The following CHCHD2 variants were observed in gnomAD, a reference collection of about 807,000 sequenced individuals.
CHCHD2 encodes the protein coiled-coil-helix-coiled-coil-helix domain-containing protein 2.
In CHCHD2, 17 loss-of-function variants were observed where a neutral mutation model predicts 17.5. The ratio of observed to expected loss-of-function variants is 0.97; its 90% CI spans 0.67 to 1.46. The LOEUF (loss-of-function observed/expected upper bound fraction) is 1.46. Ranked by LOEUF, CHCHD2 falls within the 40% of genes most tolerant of loss-of-function variation. The pLI is 0.00. For missense variants in CHCHD2, 175 were observed against 199.9 expected (o/e 0.88, Z 0.75); for synonymous variants, 63 against 74.3 (o/e 0.85, Z 0.78).
intron 3 of CHCHD2, 160 bp downstream of exon 3, chr7:56,102,707 A>C: frequency 2.7e-6 from 2 of 735,356 alleles, no homozygotes; most frequent in South Asian, 1.9e-5. Flanking sequence ...AATTACTCAT[A>C]AAAATGACTA....
rs60454706 is a variant in CHCHD2 at position 56,102,754 on chromosome 7, A to G, written c.445+113T>C. On this transcript the variant is annotated intron_variant, in intron 3 of 3. Coordinates refer to ENST00000395422, the MANE Select transcript of CHCHD2 (RefSeq NM_016139.4). ...CCCAGTTGTTAGGAGTTAATTCTAG[A>G]GAAATTTCAACAAAGTCTTCTCTAA... 5.5e-3 allele frequency: 6,289 copies of G among 1,137,406 alleles called. 272 individuals carry two copies. In the African/African-American group the frequency reaches 0.087, roughly 16 times the overall value. 70.5% of individuals were successfully genotyped at this position (1,137,406 alleles called of 1,614,324 possible).
intron 3 of CHCHD2, 108 bp downstream of exon 3, chr7:56,102,759 T>C (rs2115574184): frequency 8.3e-7 from 1 of 1,210,950 alleles, no homozygotes; most frequent in East Asian, 2.4e-5. Context: ...TCTAGAGAAA[T>C]TTCAACAAAG....
chr7:56,105,536 G>T (rs115074419), intron 1 of CHCHD2, among the ~76,000 whole-genome samples: 1 of 152,162 alleles, frequency 6.6e-6, no homozygotes, highest in African/African-American at 2.4e-5. Context: ...AGTGATTAGG[G>T]AAGTGGAGGC....
intron 1 of CHCHD2, among the ~76,000 whole-genome samples, chr7:56,105,641 A>T (rs964021887): frequency 6.6e-6 from 1 of 152,216 alleles, no homozygotes. Context: ...AAAGTCGCCA[A>T]GTGTGGTGCA....
chr7:56,106,062 G>T (rs1365733811), intron 1 of CHCHD2, among the ~76,000 whole-genome samples: 1 of 152,112 alleles, frequency 6.6e-6, no homozygotes, highest in Admixed American at 6.6e-5. Context: ...ACCATTTCCG[G>T]ATTATTTCCT....
intron 3 of CHCHD2, 83 bp from the exon 4 acceptor site, chr7:56,101,944 C>A (rs1216899605): frequency 3.8e-6 from 5 of 1,315,244 alleles, no homozygotes; most frequent in Middle Eastern, 1.9e-4. Context: ...ATGAAAGCAG[C>A]GACAAAAGGC....
At position 56,101,640 on chromosome 7, in the gene CHCHD2, A is replaced by C; in HGVS notation, c.*211T>G. ...AAATCATAACATAACAGCTAGTTTA[A>C]GGAGGCCACACAAACATTTGCCCAG... is the stretch of plus-strand genomic sequence containing the variant. On this transcript the variant is annotated 3_prime_UTR_variant, in exon 4 of 4. Transcript: ENST00000395422. The C allele has an allele frequency of 3.9e-6, 2 of 514,422 alleles. No homozygotes were observed. The highest frequency in any genetic ancestry group is 7.1e-6 in the Non-Finnish European group (2 of 283,406). The allele number at this position is 514,422 out of a possible 1,614,324, so 31.9% of individuals were successfully genotyped here. A position where few individuals can be genotyped will look rare whatever the true frequency, so the allele number is the denominator to read the frequency against.
At chr7:56,106,266 G>T in intron 1 of CHCHD2, 98 bp downstream of exon 1, 1 of 1,177,622 alleles carries the variant, frequency 8.5e-7, no homozygotes, top group Non-Finnish European at 1.2e-6. Flanking sequence ...CGCCGCAGCC[G>T]ACCTTAGTTC....
chr7:56,104,525 G>A (rs753799962), intron 1 of CHCHD2, 50 bp from the exon 2 acceptor site: 2 of 1,466,772 alleles, frequency 1.4e-6, no homozygotes. Flanking sequence ...AACCAGTTTT[G>A]GAAATTGTCA....
intron 3 of CHCHD2, among the ~76,000 whole-genome samples, chr7:56,102,276 C>T (rs908672554): frequency 9.9e-5 from 15 of 152,016 alleles, no homozygotes; most frequent in African/African-American, 2.4e-4. Context: ...ATCTTATATT[C>T]GCAGCCTTAA....
rs768263808 is a variant in CHCHD2, at chr7:56,106,370, G to A, written c.44C>T (p.Pro15Leu). The A allele has an allele frequency of 6.2e-7, 1 of 1,613,146 alleles. No individual in the cohort carries two copies. Among genetic ancestry groups the A allele is most frequent in the Admixed American group, 1.7e-5 (1 of 59,912 alleles). Residue 15 changes from proline to leucine, a missense_variant, in exon 1 of 4, where the codon CCG (proline) becomes CTG (leucine). Transcript: ENST00000395422. ...SRSRTSRMAPPASRAPQMRAA... is the reference protein window; with the variant it reads ...SRSRTSRMAPLASRAPQMRAA... Reference sequence around the variant, plus strand: ...AACCCTGCGATGGTCTCACCTGGCCGGAGGGGCCATGCGGGAGGTGCGGCT... The same window carrying A: ...AACCCTGCGATGGTCTCACCTGGCCAGAGGGGCCATGCGGGAGGTGCGGCT...
intron 2 of CHCHD2, among the ~76,000 whole-genome samples, chr7:56,103,923 G>C (rs534193308): frequency 3.9e-5 from 6 of 152,334 alleles, no homozygotes; most frequent in African/African-American, 1.4e-4. Flanking sequence ...CTAAGATCAA[G>C]ACAAGATTAG....
chr7:56,104,101 A>G (rs1785336377), intron 2 of CHCHD2, 125 bp downstream of exon 2: 14 of 1,307,666 alleles, frequency 1.1e-5, no homozygotes, highest in Middle Eastern at 1.9e-4. Context: ...TTTAAAACCC[A>G]TTGTCTATTA....
Position 56,104,539 on chromosome 7 carries a change from TA to T in CHCHD2, c.51-65del. ...CAACCAGTTTTGGAAATTGTCAACT[TA>T]AAATAACTTACATATTAAAATGGAC... On this transcript the variant is annotated intron_variant, in intron 1 of 3. Transcript: ENST00000395422. 4 of 1,406,706 alleles carry T rather than the reference TA, an allele frequency of 2.8e-6. No homozygotes were observed. In the South Asian group the frequency reaches 4.4e-5, roughly 15 times the overall value. 87.1% of individuals were successfully genotyped at this position (1,406,706 alleles called of 1,614,324 possible).
rs779613116 is a variant in CHCHD2 at position 56,105,416 on chromosome 7, TGTAAC to T, written c.50+943_51-942del. On this transcript the variant is annotated intron_variant, in intron 1 of 3. Transcript: ENST00000395422. The stretch of plus-strand genomic sequence containing the variant: ...TTAGGTAACTACAAGGCGCTGGTAA[TGTAAC>T]TGTGAACAAGAGACAAAAATCTCTG... 3.9e-5 allele frequency among the ~76,000 whole-genome samples: 6 copies of T among 152,240 alleles called. No homozygotes were observed. In the East Asian group the frequency reaches 9.6e-4, roughly 24 times the overall value.
Position 56,102,892 on chromosome 7 carries a change from C to A in CHCHD2, c.420G>T (p.Val140=), listed in dbSNP as rs1785314100. The A allele has an allele frequency of 1.2e-6, 2 of 1,614,012 alleles. No homozygotes were observed. The highest frequency in any genetic ancestry group is 1.7e-6 in the Non-Finnish European group (2 of 1,179,898). Residue 140 remains valine, a synonymous_variant, in exon 3 of 4, where the codon GTG becomes GTT. Transcript: ENST00000395422. ...CGTTTGCAAGTCGGCACTGTTTCAG[C>A]ACCTCATTGAAACCCTCACAGAGCT... ...DIKLCEGFNE[V]LKQCRLANGL... is the part of the protein sequence containing the mutation.
In CHCHD2 at chr7:56,104,402, C is replaced by A; in HGVS notation, c.124G>T (p.Ala42Ser). The A allele has an allele frequency of 1.2e-6, 2 of 1,611,156 alleles. No homozygotes were observed. The highest frequency in any genetic ancestry group is 1.7e-6 in the Non-Finnish European group (2 of 1,179,098). Residue 42 changes from alanine to serine, a missense_variant, in exon 2 of 4, where the codon GCA becomes TCA. Physicochemically the swap from Ala to Ser is moderately conservative, Grantham distance 99. Coordinates refer to ENST00000395422, the MANE Select transcript of CHCHD2 (RefSeq NM_016139.4). Reference protein sequence around the residue: ...AQPPAAAPPSAVGSSAAAPRQ... With the variant: ...AQPPAAAPPSSVGSSAAAPRQ... ...GGCGCAGCAGCAGAAGAGCCAACTGCAGATGGGGGTGCCGCTGCTGGTGGC... is the reference window on the plus strand; with the variant it reads ...GGCGCAGCAGCAGAAGAGCCAACTGAAGATGGGGGTGCCGCTGCTGGTGGC...
intron 3 of CHCHD2, among the ~76,000 whole-genome samples, 192 bp from the exon 4 acceptor site, chr7:56,102,053 G>A (rs1359495227): frequency 6.6e-6 from 1 of 152,004 alleles, no homozygotes; most frequent in Non-Finnish European, 1.5e-5. Context: ...CTGGACTCAA[G>A]CAATCCTCCC....
intron 1 of CHCHD2, 152 bp downstream of exon 1, chr7:56,106,212 A>T: frequency 1.6e-6 from 1 of 634,630 alleles, no homozygotes; most frequent in Non-Finnish European, 2.7e-6. Flanking sequence ...CCCCTAACAT[A>T]GGCTTTACGT....
Sources: gnomAD v4.1 joint callset for allele counts (sites outside exome capture counted in the v4.1 genomes callset) on GRCh38, gnomAD v4.1.1 for gene constraint, MANE v1.5 for transcripts, NCBI Gene and HGNC (gene_info 2026-07-23, HGNC 2026-07-21) for gene names.